The following MOSMO variants were observed in gnomAD, a reference collection of about 807,000 sequenced individuals.
MOSMO encodes the protein modulator of smoothened.
MOSMO carries 5 observed loss-of-function variants against 18.4 expected under a neutral mutation model. The ratio of observed to expected loss-of-function variants is 0.27; its 90% CI spans 0.14 to 0.57. The LOEUF (loss-of-function observed/expected upper bound fraction) is 0.57, where lower values mean the gene tolerates loss of function less well. Among genes scored for constraint, MOSMO ranks in the 20% least tolerant of loss-of-function variants. The probability of loss-of-function intolerance (pLI) is 0.92; values close to 1 mark genes in which losing one functional copy is unlikely to be tolerated. For missense variants in MOSMO, 138 were observed against 211.8 expected (o/e 0.65, Z 2.16); for synonymous variants, 82 against 82.3 (o/e 1.00, Z 0.02).
chr16:22,080,929 T>C lies in MOSMO; in HGVS notation c.*49T>C. ...TTATTATTTTTTATTTTATTTTATT[T>C]TTTTATTTTTGGAGGGTGGAGAGGA... On this transcript the variant is annotated 3_prime_UTR_variant, in exon 3 of 3. Transcript: ENST00000542527. 2 of 1,001,954 alleles carry C rather than the reference T, an allele frequency of 2.0e-6. No homozygotes were observed. The highest frequency in any genetic ancestry group is 6.9e-5 in the South Asian group (2 of 29,002). The allele number at this position is 1,001,954 out of a possible 1,614,324, so 62.1% of individuals were successfully genotyped here.
intron 1 of MOSMO, among the ~76,000 whole-genome samples, chr16:22,043,898 A>C (rs1900256829): frequency 6.6e-6 from 1 of 152,190 alleles, no homozygotes; most frequent in Non-Finnish European, 1.5e-5. Context: ...ATTTATAAAG[A>C]AAAAGAGGTT....
chr16:22,036,408 G>A (rs930293800), intron 1 of MOSMO, among the ~76,000 whole-genome samples: 2 of 152,118 alleles, frequency 1.3e-5, no homozygotes, highest in African/African-American at 4.8e-5. Flanking sequence ...TTACAGGCAT[G>A]AGCCACTGCG....
chr16:22,061,288 C>T (rs2141759501), intron 1 of MOSMO, among the ~76,000 whole-genome samples: 1 of 152,288 alleles, frequency 6.6e-6, no homozygotes, highest in East Asian at 1.9e-4. Flanking sequence ...AACTCGACCT[C>T]AGTAAACCTA....
At chr16:22,088,734 G>A (rs1412830520), downstream of MOSMO, among the ~76,000 whole-genome samples, 1 of 152,134 alleles carries the variant, frequency 6.6e-6, no homozygotes, top group Admixed American at 6.5e-5. Context: ...AGGATCAAAA[G>A]GCTGAACACC....
intron 1 of MOSMO, among the ~76,000 whole-genome samples, chr16:22,061,611 T>G (rs1428817478): frequency 6.6e-6 from 1 of 152,196 alleles, no homozygotes; most frequent in Non-Finnish European, 1.5e-5. Flanking sequence ...ATTGCACAGA[T>G]CTTGTGCTCA....
At chr16:22,013,325 A>G (rs1899571216) in intron 1 of MOSMO, among the ~76,000 whole-genome samples, 1 of 152,172 alleles carries the variant, frequency 6.6e-6, no homozygotes, top group Non-Finnish European at 1.5e-5. Flanking sequence ...AGTATTACCT[A>G]TATGTTATTT....
intron 1 of MOSMO, among the ~76,000 whole-genome samples, chr16:22,011,759 A>G (rs1899533493): frequency 6.6e-6 from 1 of 152,100 alleles, no homozygotes; most frequent in Admixed American, 6.5e-5. Context: ...GATACTAGGA[A>G]CATAGGAAAT....
intron 1 of MOSMO, among the ~76,000 whole-genome samples, chr16:22,024,760 AT>A (rs1253940722): frequency 6.6e-6 from 1 of 152,170 alleles, no homozygotes; most frequent in Non-Finnish European, 1.5e-5. Flanking sequence ...TATGGCTCCT[AT>A]TTATGGCAGG....
intron 1 of MOSMO, among the ~76,000 whole-genome samples, chr16:22,009,423 C>A (rs1223517304): frequency 6.6e-6 from 1 of 152,056 alleles, no homozygotes; most frequent in African/African-American, 2.4e-5. Context: ...GGTGAATGCG[C>A]TTCCAAGATT....
At chr16:22,040,594 T>C (rs550531359) in intron 1 of MOSMO, among the ~76,000 whole-genome samples, 14 of 152,258 alleles carry the variant, frequency 9.2e-5, no homozygotes, top group African/African-American at 3.4e-4. Flanking sequence ...GTGCCTGGCA[T>C]ACACTGATGG....
intron 1 of MOSMO, among the ~76,000 whole-genome samples, chr16:22,011,164 A>T (rs1899520402): frequency 6.6e-6 from 1 of 152,154 alleles, no homozygotes; most frequent in Admixed American, 6.5e-5. Flanking sequence ...GTGGAAGTTG[A>T]TGGTCATGAA....
intron 1 of MOSMO, among the ~76,000 whole-genome samples, chr16:22,064,766 G>T (rs959388920): frequency 2.0e-5 from 3 of 151,804 alleles, no homozygotes; most frequent in Non-Finnish European, 4.4e-5. Context: ...GAATTGTATG[G>T]ATTTATCTAC....
chr16:22,020,986 G>A (rs1899749916), intron 1 of MOSMO, among the ~76,000 whole-genome samples: 1 of 151,228 alleles, frequency 6.6e-6, no homozygotes, highest in South Asian at 2.1e-4. Context: ...CTGTGGTAGA[G>A]TTAACTCAGT....
At chr16:22,029,153 A>C (rs1379898450) in intron 1 of MOSMO, among the ~76,000 whole-genome samples, 1 of 152,190 alleles carries the variant, frequency 6.6e-6, no homozygotes, top group Admixed American at 6.6e-5. Flanking sequence ...TACAGGTGTG[A>C]GCCACCACGC....
chr16:22,085,010 A>G (rs1222638945), downstream of MOSMO: 1 of 152,186 alleles, frequency 6.6e-6, no homozygotes, highest in Non-Finnish European at 1.5e-5. Context: ...TTCCTTGCAC[A>G]TAGACCCAAG....
At chr16:22,023,815 G>A (rs564358658) in intron 1 of MOSMO, among the ~76,000 whole-genome samples, 18 of 151,920 alleles carry the variant, frequency 1.2e-4, no homozygotes, top group African/African-American at 3.1e-4. Context: ...TAGAAAATCC[G>A]TCAACTTATC....
At chr16:22,031,213 A>G (rs1899986787) in intron 1 of MOSMO, among the ~76,000 whole-genome samples, 1 of 152,220 alleles carries the variant, frequency 6.6e-6, no homozygotes, top group East Asian at 1.9e-4. Context: ...AGAGGTTTAA[A>G]AGAATATATT....
chr16:22,061,242 A>C (rs151200409), intron 1 of MOSMO, among the ~76,000 whole-genome samples: 41 of 152,312 alleles, frequency 2.7e-4, no homozygotes, highest in Middle Eastern at 3.4e-3. Context: ...AACTCATTGA[A>C]TTGTACATTT....
At chr16:22,012,254 A>G (rs1248436482) in intron 1 of MOSMO, among the ~76,000 whole-genome samples, 1 of 152,200 alleles carries the variant, frequency 6.6e-6, no homozygotes, top group Admixed American at 6.5e-5. Flanking sequence ...GGAAAGTTTC[A>G]GAATTCAAGT....
Sources: gnomAD v4.1 joint callset for allele counts (sites outside exome capture counted in the v4.1 genomes callset) on GRCh38, gnomAD v4.1.1 for gene constraint, MANE v1.5 for transcripts, NCBI Gene and HGNC (gene_info 2026-07-23, HGNC 2026-07-21) for gene names.